The following PLD5 variants were observed in gnomAD, a reference collection of about 807,000 sequenced individuals.
PLD5 encodes the protein inactive phospholipase D5.
PLD5 carries 36 observed loss-of-function variants against 61.1 expected under a neutral mutation model. That is an observed-to-expected ratio of 0.59 (90% CI 0.45 to 0.78). The LOEUF (loss-of-function observed/expected upper bound fraction) is 0.78, where lower values mean the gene tolerates loss of function less well. PLD5 is among the 30% of genes least tolerant of loss of function. PLD5 has a pLI of 0.00. For synonymous variants in PLD5, 243 were observed against 242.8 expected (o/e 1.00, Z -0.01); for missense variants, 515 against 644.4 (o/e 0.80, Z 2.17).
At chr1:242,207,198 G>A (rs1162953112) in intron 5 of PLD5, among the ~76,000 whole-genome samples, 5 of 152,086 alleles carry the variant, frequency 3.3e-5, no homozygotes, top group Non-Finnish European at 5.9e-5. Flanking sequence ...CCAAACAACT[G>A]GGCACCGGAG....
At position 242,475,413 on chromosome 1, in the gene PLD5, A is replaced by G. The variant is rs1245117713; in HGVS notation, c.189+48675T>C. The stretch of plus-strand genomic sequence containing the variant: ...ACTCCAGCCTGGGCGACAGAGCGAG[A>G]CTCCGTCTCAAAAAAAAAAAAAAAA... On this transcript the variant is annotated intron_variant, in intron 1 of 9. Transcript: ENST00000536534. 6.2e-5 allele frequency among the ~76,000 whole-genome samples: 7 copies of G among 113,182 alleles called. No individual in the cohort carries two copies. The Admixed American group carries it at 6.3e-4, about 10-fold the overall frequency. The allele number at this position is 113,182 out of a possible 152,430, so 74.3% of individuals were successfully genotyped here.
intron 5 of PLD5, among the ~76,000 whole-genome samples, chr1:242,207,870 A>ATATATT (rs1558344259): frequency 0.01 from 503 of 49,362 alleles, 160 homozygotes; most frequent in African/African-American, 0.048. Context: ...TTATATATTT[A>ATATATT]TATATATTTA....
At chr1:242,212,251 T>G (rs541362899) in intron 5 of PLD5, among the ~76,000 whole-genome samples, 1 of 152,332 alleles carries the variant, frequency 6.6e-6, no homozygotes, top group African/African-American at 2.4e-5. Context: ...ACAGGGGATA[T>G]GCTACAGCGA....
At chr1:242,222,458 C>T (rs1404816164) in intron 4 of PLD5, among the ~76,000 whole-genome samples, 3 of 152,162 alleles carry the variant, frequency 2.0e-5, no homozygotes, top group African/African-American at 7.2e-5. Context: ...CAGCATGCAC[C>T]TTGTCAAGCC....
chr1:242,449,048 C>A (rs1666672627), intron 1 of PLD5, among the ~76,000 whole-genome samples: 2 of 152,232 alleles, frequency 1.3e-5, no homozygotes, highest in Non-Finnish European at 2.9e-5. Context: ...GAGCACACTT[C>A]AGAGAATGCA....
chr1:242,363,030 G>A (rs951092771), intron 1 of PLD5, among the ~76,000 whole-genome samples: 2 of 152,146 alleles, frequency 1.3e-5, no homozygotes, highest in African/African-American at 4.8e-5. Flanking sequence ...GCTAGAGTTG[G>A]CAGGGCAGAA....
chr1:242,114,745 G>A (rs138428305), intron 6 of PLD5, among the ~76,000 whole-genome samples: 87 of 152,290 alleles, frequency 5.7e-4, no homozygotes, highest in Admixed American at 1.7e-3. Context: ...TGTAATGCCT[G>A]ATGATCTGTC....
chr1:242,481,906 T>G (rs377426804), intron 1 of PLD5, among the ~76,000 whole-genome samples: 3 of 152,128 alleles, frequency 2.0e-5, no homozygotes, highest in South Asian at 4.1e-4. Context: ...TTCACCAGTA[T>G]CCACTGTTCT....
Position 242,127,261 on chromosome 1 carries a change from T to TAAAAGTAGAACTACCATTGGATCC in PLD5, c.736-2620_736-2597dup, listed in dbSNP as rs1252073252. Among the ~76,000 whole-genome samples, 7 of 152,300 alleles carry TAAAAGTAGAACTACCATTGGATCC rather than the reference T, an allele frequency of 4.6e-5. No homozygotes were observed. In the South Asian group the frequency reaches 1.0e-3, roughly 23 times the overall value. On this transcript the variant is annotated intron_variant, in intron 5 of 9. Coordinates refer to ENST00000536534, the MANE Select transcript of PLD5 (RefSeq NM_001372062.1). ...ACAGTGTGGAGATTCCTTAAAGAAT[T>TAAAAGTAGAACTACCATTGGATCC]AAAAGTAGAACTACCATTGGATCCA... is the stretch of plus-strand genomic sequence containing the variant.
chr1:242,113,238 C>T (rs1400340291), intron 7 of PLD5, among the ~76,000 whole-genome samples: 13 of 151,894 alleles, frequency 8.6e-5, no homozygotes, highest in Admixed American at 5.9e-4. Context: ...TACAGGCACC[C>T]GCCACCACAC....
chr1:242,098,225 A>G (rs1047380508), intron 9 of PLD5, among the ~76,000 whole-genome samples: 1 of 152,164 alleles, frequency 6.6e-6, no homozygotes, highest in African/African-American at 2.4e-5. Context: ...GTCTTTTCAC[A>G]TAGTCCTGTA....
In PLD5 at chr1:242,361,967, T is replaced by C. The variant is rs376922799; in HGVS notation, c.190-13725A>G. Among the ~76,000 whole-genome samples the C allele has an allele frequency of 3.2e-4, 48 of 149,148 alleles. No homozygotes were observed. In the East Asian group the frequency reaches 8.2e-3, roughly 26 times the overall value. On this transcript the variant is annotated intron_variant, in intron 1 of 9. Coordinates refer to ENST00000536534, the MANE Select transcript of PLD5 (RefSeq NM_001372062.1). The stretch of plus-strand genomic sequence containing the variant: ...CTGGCCAACATACTGAGACCTCATC[T>C]CATTTTTTTTTTTTTTTGGTATAAA...
chr1:242,369,155 G>A (rs1018005827), intron 1 of PLD5, among the ~76,000 whole-genome samples: 1 of 152,146 alleles, frequency 6.6e-6, no homozygotes, highest in African/African-American at 2.4e-5. Flanking sequence ...AAGAAATATA[G>A]AAAGGAAAAC....
intron 2 of PLD5, among the ~76,000 whole-genome samples, chr1:242,320,410 G>A (rs1291989880): frequency 6.6e-6 from 1 of 152,216 alleles, no homozygotes; most frequent in African/African-American, 2.4e-5. Context: ...CAGCCCGGCA[G>A]AGCTAGCTAC....
At chr1:242,496,672 C>T (rs150089684) in intron 1 of PLD5, among the ~76,000 whole-genome samples, 1 of 152,144 alleles carries the variant, frequency 6.6e-6, no homozygotes, top group Non-Finnish European at 1.5e-5. Flanking sequence ...AATATGTATA[C>T]AATTGGTGTC....
chr1:242,406,169 C>T (rs1045425633), intron 1 of PLD5, among the ~76,000 whole-genome samples: 3 of 152,162 alleles, frequency 2.0e-5, no homozygotes, highest in Non-Finnish European at 4.4e-5. Context: ...CCAGGGACAG[C>T]TGCTACTCAG....
At chr1:242,266,265 C>T (rs1192143405) in intron 3 of PLD5, among the ~76,000 whole-genome samples, 1 of 152,092 alleles carries the variant, frequency 6.6e-6, no homozygotes, top group Non-Finnish European at 1.5e-5. Context: ...CTTTTATTCC[C>T]AGCTACTCAG....
intron 1 of PLD5, among the ~76,000 whole-genome samples, chr1:242,356,712 A>G (rs1003496213): frequency 6.6e-6 from 1 of 151,502 alleles, no homozygotes; most frequent in African/African-American, 2.4e-5. Context: ...ATGTTTTTTC[A>G]CTTTTTGGTT....
At chr1:242,178,018 T>G (rs1667280171) in intron 5 of PLD5, 1 of 152,224 alleles carries the variant, frequency 6.6e-6, no homozygotes, top group South Asian at 2.1e-4. Context: ...AAATAAGTGC[T>G]AATCAACTGT....
Sources: gnomAD v4.1 joint callset for allele counts (sites outside exome capture counted in the v4.1 genomes callset) on GRCh38, gnomAD v4.1.1 for gene constraint, MANE v1.5 for transcripts, NCBI Gene and HGNC (gene_info 2026-07-23, HGNC 2026-07-21) for gene names.